The following ATP10D variants were observed in gnomAD, a reference collection of about 807,000 sequenced individuals.
ATP10D encodes ATPase phospholipid transporting 10D (putative), also known as phospholipid-transporting ATPase VD.
Under a neutral mutation model 144.8 loss-of-function variants are expected in ATP10D, and 89 were observed. That is an observed-to-expected ratio of 0.61 (90% CI 0.52 to 0.73). The LOEUF (loss-of-function observed/expected upper bound fraction) is 0.73. Ranked by LOEUF, ATP10D falls within the 30% of genes least tolerant of loss-of-function variation. The pLI is 0.00. For missense variants in ATP10D, 1,603 were observed against 1,714.8 expected (o/e 0.93, Z 1.15); for synonymous variants, 571 against 615.1 (o/e 0.93, Z 1.06).
intron 1 of ATP10D, among the ~76,000 whole-genome samples, chr4:47,492,459 A>G (rs918483925): frequency 6.6e-6 from 1 of 152,224 alleles, no homozygotes; most frequent in African/African-American, 2.4e-5. Context: ...TATAATTCCA[A>G]TGAAGACCAA....
chr4:47,532,765 A>G (rs1490009688), intron 5 of ATP10D, among the ~76,000 whole-genome samples: 1 of 152,202 alleles, frequency 6.6e-6, no homozygotes, highest in Non-Finnish European at 1.5e-5. Context: ...TGTATGCTGA[A>G]TATCAGATTC....
intron 1 of ATP10D, among the ~76,000 whole-genome samples, chr4:47,506,372 C>G (rs1716021360): frequency 1.3e-5 from 2 of 152,106 alleles, no homozygotes; most frequent in African/African-American, 4.8e-5. Flanking sequence ...AGTGTTAGTA[C>G]TTACCAAGCA....
intron 1 of ATP10D, among the ~76,000 whole-genome samples, chr4:47,495,763 G>T (rs1715325143): frequency 6.9e-6 from 1 of 145,516 alleles, no homozygotes; most frequent in African/African-American, 2.5e-5. Context: ...TTGAAATGCA[G>T]TTTCGCTCTT....
chr4:47,576,654 A>C, intron 18 of ATP10D, 119 bp from the exon 19 acceptor site: 1 of 879,082 alleles, frequency 1.1e-6, no homozygotes, highest in Admixed American at 2.2e-5. Flanking sequence ...GTCCTATCTT[A>C]TATAAGAAAA....
chr4:47,572,615 A>G (rs1007155763), intron 17 of ATP10D, among the ~76,000 whole-genome samples: 3 of 147,648 alleles, frequency 2.0e-5, no homozygotes, highest in African/African-American at 7.6e-5. Flanking sequence ...AGGAGAAGGA[A>G]GGAAGTGGGA....
At chr4:47,571,188 G>A (rs934835089) in intron 16 of ATP10D, among the ~76,000 whole-genome samples, 2 of 151,592 alleles carry the variant, frequency 1.3e-5, no homozygotes, top group Admixed American at 1.3e-4. Flanking sequence ...AATTATTCAA[G>A]CTTATGGATC....
intron 4 of ATP10D, among the ~76,000 whole-genome samples, chr4:47,523,716 C>T (rs1335086723): frequency 6.6e-6 from 1 of 152,138 alleles, no homozygotes; most frequent in Admixed American, 6.5e-5. Flanking sequence ...CATTTAAACA[C>T]TTTATGCCTC....
intron 3 of ATP10D, among the ~76,000 whole-genome samples, chr4:47,522,803 A>G (rs1717013036): frequency 1.3e-5 from 2 of 152,202 alleles, no homozygotes; most frequent in Non-Finnish European, 2.9e-5. Context: ...TCCTGACCTC[A>G]GGCGATCCAC....
At chr4:47,578,314 C>G (rs879500472) in intron 19 of ATP10D, 9 of 152,218 alleles carry the variant, frequency 5.9e-5, no homozygotes, top group Non-Finnish European at 1.2e-4. Flanking sequence ...CAGAATCTCT[C>G]TCCTCTAAAG....
At chr4:47,542,254 G>A (rs1440611368) in intron 9 of ATP10D, among the ~76,000 whole-genome samples, 1 of 151,772 alleles carries the variant, frequency 6.6e-6, no homozygotes, top group Admixed American at 6.6e-5. Flanking sequence ...ATGCCACCAC[G>A]CATGGCTAAT....
chr4:47,543,674 A>G (rs534070154), intron 9 of ATP10D, among the ~76,000 whole-genome samples: 1 of 152,278 alleles, frequency 6.6e-6, no homozygotes, highest in East Asian at 1.9e-4. Context: ...GAAGACCTAA[A>G]TCGAATTTCC....
intron 1 of ATP10D, among the ~76,000 whole-genome samples, chr4:47,499,975 G>A (rs1715599176): frequency 6.6e-6 from 1 of 152,186 alleles, no homozygotes; most frequent in South Asian, 2.1e-4. Context: ...TGCATAATAA[G>A]AGCTGTAGTG....
intron 14 of ATP10D, among the ~76,000 whole-genome samples, chr4:47,561,951 G>C (rs1233815626): frequency 1.3e-5 from 2 of 152,116 alleles, no homozygotes; most frequent in South Asian, 2.1e-4. Flanking sequence ...ACCTAACTTA[G>C]TATCTAGCAA....
intron 12 of ATP10D, 64 bp from the exon 13 acceptor site, chr4:47,558,859 T>G: frequency 7.5e-7 from 1 of 1,336,522 alleles, no homozygotes; most frequent in Non-Finnish European, 1.0e-6. Flanking sequence ...TACTATTGTT[T>G]TAAAAAGTAT....
intron 22 of ATP10D, 46 bp from the exon 23 acceptor site, chr4:47,590,996 T>C: frequency 8.1e-7 from 1 of 1,236,050 alleles, no homozygotes; most frequent in Non-Finnish European, 1.1e-6. Context: ...GGTTCTGTAA[T>C]GCATTTGAGA....
chr4:47,527,052 A>G (rs1045353884), intron 5 of ATP10D, among the ~76,000 whole-genome samples: 4 of 152,172 alleles, frequency 2.6e-5, no homozygotes, highest in South Asian at 2.1e-4. Flanking sequence ...TGATTGCAAG[A>G]TTTATCAGAA....
chr4:47,581,023 A>G (rs534948910), intron 20 of ATP10D, among the ~76,000 whole-genome samples: 146 of 152,288 alleles, frequency 9.6e-4, no homozygotes, highest in African/African-American at 3.3e-3. Context: ...TGATTGCACC[A>G]CTGCACTCCA....
intron 22 of ATP10D, among the ~76,000 whole-genome samples, chr4:47,589,578 T>G (rs1331037212): frequency 1.3e-5 from 2 of 152,172 alleles, no homozygotes; most frequent in African/African-American, 4.8e-5. Flanking sequence ...TTAGGTTTTC[T>G]ACATATACAG....
chr4:47,540,960 T>C (rs542940365), intron 9 of ATP10D, among the ~76,000 whole-genome samples: 1 of 152,316 alleles, frequency 6.6e-6, no homozygotes, highest in Admixed American at 6.5e-5. Flanking sequence ...GTGAATCTGA[T>C]TTACATGGAG....
Sources: allele counts gnomAD v4.1 joint callset (sites outside exome capture counted in the v4.1 genomes callset), GRCh38; gene constraint gnomAD v4.1.1; transcripts MANE v1.5; gene names NCBI Gene and HGNC (gene_info 2026-07-23, HGNC 2026-07-21).